CDK17: variants seen among roughly 807,000 people sequenced by gnomAD.
The protein encoded by CDK17 is cyclin-dependent kinase 17.
A neutral mutation model predicts 77.6 loss-of-function variants in CDK17; 24 were observed. The ratio of observed to expected loss-of-function variants is 0.31; its 90% CI spans 0.22 to 0.44. The LOEUF (loss-of-function observed/expected upper bound fraction) is 0.44, where lower values mean the gene tolerates loss of function less well. CDK17 is among the 20% of genes least tolerant of loss of function. The probability of loss-of-function intolerance (pLI) is 1.00; values close to 1 mark genes in which losing one functional copy is unlikely to be tolerated. For missense variants in CDK17, 429 were observed against 622.5 expected, an observed-to-expected ratio of 0.69 and a Z score of 3.31; for synonymous variants, 203 against 210.4, an observed-to-expected ratio of 0.96 and a Z score of 0.30.
chr12:96,343,051 A>G (rs1953145067), intron 1 of CDK17, among the ~76,000 whole-genome samples: 1 of 152,252 alleles, frequency 6.6e-6, no homozygotes, highest in South Asian at 2.1e-4. Context: ...ACAAACTAGA[A>G]AAAAAGAAAT....
chr12:96,361,563 T>C (rs886831883), intron 1 of CDK17, among the ~76,000 whole-genome samples: 7 of 152,352 alleles, frequency 4.6e-5, no homozygotes, highest in Middle Eastern at 6.8e-3. Context: ...TTTGCAAATA[T>C]TTAGAGTTAC....
At chr12:96,346,635 G>C (rs554463663) in intron 1 of CDK17, among the ~76,000 whole-genome samples, 1 of 136,400 alleles carries the variant, frequency 7.3e-6, no homozygotes, top group East Asian at 2.3e-4. Flanking sequence ...CTAAAAAAAA[G>C]GCCGGGCATG....
chr12:96,368,194 G>A (rs796095839), intron 1 of CDK17, among the ~76,000 whole-genome samples: 67 of 152,270 alleles, frequency 4.4e-4, no homozygotes, highest in African/African-American at 1.6e-3. Context: ...TGTATTCCAA[G>A]GGAAAACTGG....
chr12:96,287,703 A>C (rs76600102), intron 11 of CDK17, among the ~76,000 whole-genome samples: 2,238 of 152,280 alleles, frequency 0.015, 52 homozygotes, highest in African/African-American at 0.05. Flanking sequence ...GGTCCTGAAA[A>C]GGTATTTGTA....
rs1447700576 is a variant in CDK17, at chr12:96,323,991, G to C, written c.240C>G (p.Ser80Arg). Reference protein sequence around the residue: ...LRRPHSVIGGSLGSFMAMPRN... With the variant: ...LRRPHSVIGGRLGSFMAMPRN... ...TGGGCATTGCCATGAAGGAGCCAAG[G>C]CTCCCTCCAATAACACTGTGTGGTC... The change falls in exon 3 of 17, where the codon AGC becomes AGG. Residue 80 changes from serine (S) to arginine (R), a missense_variant. Coordinates refer to ENST00000261211, the MANE Select transcript of CDK17 (RefSeq NM_002595.5). The C allele has an allele frequency of 6.2e-7, 1 of 1,605,146 alleles. No individual in the cohort carries two copies. Among genetic ancestry groups the C allele is most frequent in the Admixed American group, 1.7e-5 (1 of 58,662 alleles).
intron 3 of CDK17, among the ~76,000 whole-genome samples, chr12:96,316,104 G>T (rs901326914): frequency 6.6e-6 from 1 of 152,176 alleles, no homozygotes; most frequent in Non-Finnish European, 1.5e-5. Flanking sequence ...TGTGCGCACC[G>T]TGCACTAGCC....
intron 1 of CDK17, among the ~76,000 whole-genome samples, chr12:96,356,247 C>T (rs1171364889): frequency 6.6e-6 from 1 of 152,150 alleles, no homozygotes; most frequent in Non-Finnish European, 1.5e-5. Context: ...AGCCCACATA[C>T]TCAAAGTGAA....
At chr12:96,323,268 T>TAAA (rs67003722) in intron 3 of CDK17, among the ~76,000 whole-genome samples, 119 of 96,810 alleles carry the variant, frequency 1.2e-3, no homozygotes, top group African/African-American at 3.9e-3. Context: ...CCCCGTCTTC[T>TAAA]AAAAAAAAAA....
chr12:96,333,342 C>T (rs1010183741), intron 2 of CDK17, among the ~76,000 whole-genome samples: 1 of 151,960 alleles, frequency 6.6e-6, no homozygotes, highest in Admixed American at 6.6e-5. Context: ...TCCTACTGAG[C>T]CCATCCCTCT....
In CDK17 at chr12:96,297,331, T is replaced by C; in HGVS notation, c.812A>G (p.Asp271Gly). ...ATCCATGTACTGTTTCAGGTCTTTA[T>C]CCTGGAAAAACACAGCACTCTGCTA... ...KSLTLVFEYL[D>G]KDLKQYMDDC... is the part of the protein sequence containing the mutation. The change falls in exon 9 of 17, where the codon GAT becomes GGT. Residue 271 changes from aspartate (D) to glycine (G), a missense_variant and splice_region_variant. By Grantham distance (94) the Asp-to-Gly change is moderately conservative (BLOSUM62 -1). Around this residue, in one of 4 missense-constraint regions of CDK17, gnomAD observed 262 missense variants for 385.4 expected, o/e 0.68. Coordinates refer to ENST00000261211, the MANE Select transcript of CDK17 (RefSeq NM_002595.5). 1 of 1,604,888 alleles carries C rather than the reference T, an allele frequency of 6.2e-7. No individual in the cohort carries two copies. Among genetic ancestry groups the C allele is most frequent in the Admixed American group, 1.7e-5 (1 of 59,858 alleles).
intron 1 of CDK17, among the ~76,000 whole-genome samples, chr12:96,389,999 T>C (rs941863536): frequency 1.6e-4 from 25 of 151,782 alleles, no homozygotes; most frequent in African/African-American, 5.6e-4. Flanking sequence ...CCAGCAAATT[T>C]CTGTATTTTT....
intron 1 of CDK17, among the ~76,000 whole-genome samples, chr12:96,365,608 C>A (rs1389934737): frequency 1.3e-5 from 2 of 152,210 alleles, no homozygotes; most frequent in African/African-American, 4.8e-5. Context: ...AAAAGAAAAA[C>A]TACACCTAAA....
intron 1 of CDK17, among the ~76,000 whole-genome samples, chr12:96,349,833 C>T (rs920004187): frequency 6.6e-6 from 1 of 151,922 alleles, no homozygotes; most frequent in Non-Finnish European, 1.5e-5. Flanking sequence ...TAAAACTATC[C>T]CTATTTAGAG....
chr12:96,294,257 G>A (rs1479843611), intron 10 of CDK17, among the ~76,000 whole-genome samples: 5 of 152,144 alleles, frequency 3.3e-5, no homozygotes, highest in African/African-American at 1.2e-4. Context: ...TCATGTAAGT[G>A]TAACTGACAG....
chr12:96,342,647 G>A (rs1016865586), intron 1 of CDK17, among the ~76,000 whole-genome samples: 3 of 152,110 alleles, frequency 2.0e-5, no homozygotes, highest in African/African-American at 7.2e-5. Flanking sequence ...TCATGCTATA[G>A]GTTTTTTATA....
At chr12:96,317,729 T>A (rs1403410490) in intron 3 of CDK17, among the ~76,000 whole-genome samples, 10 of 142,456 alleles carry the variant, frequency 7.0e-5, no homozygotes, top group Non-Finnish European at 1.5e-4. Flanking sequence ...AATAAAATAC[T>A]TTACAGACAA....
At chr12:96,341,120 G>A (rs1163333459) in intron 1 of CDK17, among the ~76,000 whole-genome samples, 2 of 152,172 alleles carry the variant, frequency 1.3e-5, no homozygotes, top group African/African-American at 4.8e-5. Flanking sequence ...ACATTAGTTT[G>A]CTTAGAATAA....
chr12:96,322,537 A>G (rs1045404482), intron 3 of CDK17, among the ~76,000 whole-genome samples: 3 of 151,956 alleles, frequency 2.0e-5, no homozygotes, highest in African/African-American at 7.2e-5. Context: ...ACAAGAAAAC[A>G]ATAAGCCAGG....
chr12:96,312,056 G>T (rs1952651655), intron 4 of CDK17, among the ~76,000 whole-genome samples: 1 of 152,156 alleles, frequency 6.6e-6, no homozygotes, highest in Non-Finnish European at 1.5e-5. Context: ...AGGCGCAGTG[G>T]CTCAAGCCTG....
Sources: allele counts gnomAD v4.1 joint callset (sites outside exome capture counted in the v4.1 genomes callset), GRCh38; gene constraint gnomAD v4.1.1; regional missense constraint gnomAD v4.1.1; transcripts MANE v1.5; gene names NCBI Gene and HGNC (gene_info 2026-07-23, HGNC 2026-07-21).